ANKRD30B: variants seen among roughly 807,000 people sequenced by gnomAD.
The protein encoded by ANKRD30B is ankyrin repeat domain-containing protein 30B.
A neutral mutation model predicts 202.2 loss-of-function variants in ANKRD30B; 144 were observed. The ratio of observed to expected loss-of-function variants is 0.71; its 90% CI spans 0.62 to 0.82. ANKRD30B has a LOEUF of 0.82. ANKRD30B is among the 40% of genes least tolerant of loss of function. The probability of loss-of-function intolerance (pLI) is 0.00; values close to 1 mark genes in which losing one functional copy is unlikely to be tolerated. For missense variants in ANKRD30B, 1,487 were observed against 1,669.1 expected, an observed-to-expected ratio of 0.89 and a Z score of 1.90; for synonymous variants, 508 against 561.3, an observed-to-expected ratio of 0.91 and a Z score of 1.34.
the ANKRD30B span, among the ~76,000 whole-genome samples, chr18:14,880,565 G>GTT: frequency 1.8e-4 from 8 of 43,272 alleles, no homozygotes; most frequent in South Asian, 3.6e-3. Context: ...TTTCTTTCTT[G>GTT]GTTTTTTTTT....
At chr18:14,754,619 C>T (rs1914035710) in intron 3 of ANKRD30B, among the ~76,000 whole-genome samples, 1 of 152,114 alleles carries the variant, frequency 6.6e-6, no homozygotes, top group Non-Finnish European at 1.5e-5. Context: ...CCCTTGCCCT[C>T]ATGAAGCTCT....
chr18:14,760,389 C>A (rs1236116674), intron 5 of ANKRD30B, among the ~76,000 whole-genome samples, 165 bp from the exon 6 acceptor site: 1 of 152,084 alleles, frequency 6.6e-6, no homozygotes, highest in East Asian at 1.9e-4. Context: ...TAATTAGAAG[C>A]TTAATAAGTT....
the ANKRD30B span, among the ~76,000 whole-genome samples, chr18:14,924,071 ACCAAGTGTCCCATACACTGGT>A: frequency 6.6e-6 from 1 of 152,170 alleles, no homozygotes; most frequent in South Asian, 2.1e-4. Flanking sequence ...ATGATCCATC[ACCAAGTGTCCCATACACTGGT>A]CATGTCACCT....
At chr18:14,831,494 A>C in intron 34 of ANKRD30B, 39 bp downstream of exon 34, 2 of 1,136,434 alleles carry the variant, frequency 1.8e-6, no homozygotes, top group Non-Finnish European at 2.5e-6. Context: ...TCTCAGTTGG[A>C]ATCTAATTCT....
At chr18:14,850,554 G>A (rs914882280) in intron 41 of ANKRD30B, among the ~76,000 whole-genome samples, 172 bp downstream of exon 41, 1 of 151,712 alleles carries the variant, frequency 6.6e-6, no homozygotes, top group Non-Finnish European at 1.5e-5. Flanking sequence ...ATTATGGCAT[G>A]CAAATAGTAT....
chr18:14,780,215 G>A (rs1234181637), intron 11 of ANKRD30B, among the ~76,000 whole-genome samples, 194 bp downstream of exon 11: 5 of 151,366 alleles, frequency 3.3e-5, no homozygotes, highest in Non-Finnish European at 7.4e-5. Context: ...GAGGCCTGAG[G>A]TGGGAGGATC....
At chr18:14,905,411 C>G in the ANKRD30B span, 1 of 152,140 alleles carries the variant, frequency 6.6e-6, no homozygotes, top group African/African-American at 2.4e-5. Flanking sequence ...AAAGTGGGGA[C>G]TTACAGGTAA....
At chr18:14,816,568 C>G (rs1030122651) in intron 30 of ANKRD30B, 1 of 151,408 alleles carries the variant, frequency 6.6e-6, no homozygotes, top group East Asian at 2.0e-4. Flanking sequence ...ATGTGAGAAC[C>G]CATGAGGCAG....
chr18:14,937,286 A>G, the ANKRD30B span, among the ~76,000 whole-genome samples: 1,776 of 152,346 alleles, frequency 0.012, 110 homozygotes, highest in Admixed American at 0.098. Context: ...TTTCCCAAAT[A>G]AACAACAGTT....
the ANKRD30B span, among the ~76,000 whole-genome samples, chr18:14,877,177 T>G: frequency 6.6e-6 from 1 of 152,252 alleles, no homozygotes; most frequent in Non-Finnish European, 1.5e-5. Flanking sequence ...TGAGTAGAAG[T>G]TGGAATCTGA....
At chr18:14,839,544 T>C (rs905352792) in intron 36 of ANKRD30B, among the ~76,000 whole-genome samples, 6 of 152,220 alleles carry the variant, frequency 3.9e-5, no homozygotes, top group African/African-American at 1.4e-4. Context: ...AATATGTGTC[T>C]GGCATATGTT....
the ANKRD30B span, among the ~76,000 whole-genome samples, chr18:14,923,034 G>A: frequency 6.6e-6 from 1 of 152,182 alleles, no homozygotes; most frequent in Non-Finnish European, 1.5e-5. Flanking sequence ...TGCCTTGAAG[G>A]GAAGAGCTCA....
intron 34 of ANKRD30B, among the ~76,000 whole-genome samples, chr18:14,832,867 T>C (rs1480794654): frequency 1.3e-5 from 2 of 152,202 alleles, no homozygotes; most frequent in East Asian, 3.8e-4. Flanking sequence ...CTATATTTTC[T>C]AGTATCCCCA....
At chr18:14,791,777 C>T (rs891680044) in intron 16 of ANKRD30B, among the ~76,000 whole-genome samples, 2 of 151,796 alleles carry the variant, frequency 1.3e-5, no homozygotes, top group African/African-American at 2.4e-5. Context: ...AAATGAAGAT[C>T]GAGAAAGACA....
At chr18:14,843,372 GA>G (rs1348434100) in intron 39 of ANKRD30B, among the ~76,000 whole-genome samples, 2 of 152,122 alleles carry the variant, frequency 1.3e-5, no homozygotes, top group African/African-American at 4.8e-5. Flanking sequence ...AAAGATTCAA[GA>G]AGGTGTATTT....
In ANKRD30B at chr18:14,796,264, A is replaced by G; in HGVS notation, c.1854+15A>G. The G allele has an allele frequency of 6.2e-7, 1 of 1,608,316 alleles. No homozygotes were observed. ...GTCTTCTGAAGGTAATAACTTTTAT[A>G]TTGCTATCTTGAATACTAACTACAT... is the stretch of plus-strand genomic sequence containing the variant. On this transcript the variant is annotated intron_variant, in intron 17 of 43. Coordinates refer to ENST00000690538, the MANE Select transcript of ANKRD30B (RefSeq NM_001367607.2).
At chr18:14,852,522 T>C in intron 42 of ANKRD30B, 102 bp downstream of exon 42, 2 of 1,345,114 alleles carry the variant, frequency 1.5e-6, no homozygotes, top group South Asian at 4.0e-5. Context: ...AAATAGATGA[T>C]AAATGTACTT....
At chr18:14,913,125 T>C in the ANKRD30B span, among the ~76,000 whole-genome samples, 7 of 152,270 alleles carry the variant, frequency 4.6e-5, 1 homozygote, top group Admixed American at 2.6e-4. Context: ...CCAGATTTCC[T>C]GCACATCCAT....
chr18:14,877,988 G>A, the ANKRD30B span: 2 of 152,084 alleles, frequency 1.3e-5, no homozygotes, highest in South Asian at 2.1e-4. Flanking sequence ...CACCTGCATC[G>A]CCTTAGGCAT....
Sources: gnomAD v4.1 joint callset for allele counts (sites outside exome capture counted in the v4.1 genomes callset) on GRCh38, gnomAD v4.1.1 for gene constraint, MANE v1.5 for transcripts, NCBI Gene and HGNC (gene_info 2026-07-23, HGNC 2026-07-21) for gene names.